The following PHF5A variants were observed in gnomAD, a reference collection of about 807,000 sequenced individuals.
PHF5A encodes PHD finger-like domain-containing protein 5A.
For synonymous variants in PHF5A, 52 were observed against 46.0 expected, an observed-to-expected ratio of 1.13 and a Z score of -0.52; for missense variants, 24 against 140.6, an observed-to-expected ratio of 0.17 and a Z score of 4.19.
chr22:41,465,749 A>ACG (rs1345121235), intron 3 of PHF5A, among the ~76,000 whole-genome samples: 2 of 152,024 alleles, frequency 1.3e-5, no homozygotes, highest in African/African-American at 4.8e-5. Context: ...GCATAGTGGC[A>ACG]TGCACCTGTA....
intron 3 of PHF5A, among the ~76,000 whole-genome samples, chr22:41,465,434 A>AT (rs1341685475): frequency 6.6e-6 from 1 of 151,656 alleles, no homozygotes; most frequent in Non-Finnish European, 1.5e-5. Context: ...AAGTGCTGGG[A>AT]TTGCAGGCAT....
At chr22:41,461,852 G>A (rs187212307) in intron 3 of PHF5A, among the ~76,000 whole-genome samples, 1 of 152,090 alleles carries the variant, frequency 6.6e-6, no homozygotes, top group Admixed American at 6.6e-5. Flanking sequence ...TAGTAAAGAT[G>A]GGGTTTCACC....
intron 3 of PHF5A, among the ~76,000 whole-genome samples, chr22:41,461,028 C>A (rs1204200123): frequency 6.6e-6 from 1 of 151,986 alleles, no homozygotes; most frequent in Non-Finnish European, 1.5e-5. Flanking sequence ...CAAAAATTAG[C>A]CAGACGTGGT....
At chr22:41,468,096 GGTT>G (rs772921041) in intron 2 of PHF5A, 25 bp downstream of exon 2, 1 of 1,613,020 alleles carries the variant, frequency 6.2e-7, no homozygotes, top group Non-Finnish European at 8.5e-7. Context: ...GGGAAGGGTG[GGTT>G]GTTGGGACGG....
In PHF5A at chr22:41,468,154, G is replaced by A; in HGVS notation, c.53-7C>T. On this transcript the variant is annotated splice_region_variant and splice_polypyrimidine_tract_variant and intron_variant, in intron 1 of 3. Coordinates refer to ENST00000216252, the MANE Select transcript of PHF5A (RefSeq NM_032758.4). The stretch of plus-strand genomic sequence containing the variant: ...TCACACAGTCTTCCGATGGCTGCAA[G>A]ATGAAAGATGGTAAAAAGTACAATT... 6.2e-7 allele frequency: 1 copy of A among 1,613,932 alleles called. No homozygotes were observed. Among genetic ancestry groups the A allele is most frequent in the Non-Finnish European group, 8.5e-7 (1 of 1,179,862 alleles).
Position 41,468,064 on chromosome 22 carries a change from G to T in PHF5A, c.76+60C>A. Reference sequence around the variant, plus strand: ...AAGCCCTCTTTGTGGCACTTTTGCTGGTTCCACAGAAAACTGGGAGTGGGA... The same window carrying T: ...AAGCCCTCTTTGTGGCACTTTTGCTTGTTCCACAGAAAACTGGGAGTGGGA... On this transcript the variant is annotated intron_variant, in intron 2 of 3. Coordinates refer to ENST00000216252, the MANE Select transcript of PHF5A (RefSeq NM_032758.4). 3.2e-6 allele frequency: 5 copies of T among 1,583,880 alleles called. No homozygotes were observed. The South Asian group carries it at 4.4e-5, about 14-fold the overall frequency.
intron 1 of PHF5A, 47 bp downstream of exon 1, chr22:41,468,555 C>G (rs1489260729): frequency 6.2e-7 from 1 of 1,608,544 alleles, no homozygotes. Flanking sequence ...CCCCCAGCTC[C>G]TAATACCACC....
intron 3 of PHF5A, among the ~76,000 whole-genome samples, chr22:41,461,373 T>C (rs1023249179): frequency 6.6e-6 from 1 of 150,758 alleles, no homozygotes; most frequent in African/African-American, 2.4e-5. Flanking sequence ...TATGACACAG[T>C]TGAGGTAGAC....
At chr22:41,462,368 G>A (rs146838820) in intron 3 of PHF5A, among the ~76,000 whole-genome samples, 1,680 of 152,106 alleles carry the variant, frequency 0.011, 43 homozygotes, top group Admixed American at 0.054. Flanking sequence ...CCTTCTTTGG[G>A]GGCAGACATC....
chr22:41,461,216 G>A (rs1407166033), intron 3 of PHF5A, among the ~76,000 whole-genome samples: 1 of 151,992 alleles, frequency 6.6e-6, no homozygotes, highest in Non-Finnish European at 1.5e-5. Flanking sequence ...TGGATTAATG[G>A]TTTAGCCATT....
At chr22:41,467,976 T>C in intron 2 of PHF5A, 148 bp downstream of exon 2, 2 of 776,782 alleles carry the variant, frequency 2.6e-6, no homozygotes, top group Non-Finnish European at 4.2e-6. Flanking sequence ...AGTGGGGAGT[T>C]AGAGGGGCCT....
intron 3 of PHF5A, among the ~76,000 whole-genome samples, chr22:41,460,696 A>G (rs1255275245): frequency 6.7e-6 from 1 of 149,374 alleles, no homozygotes; most frequent in East Asian, 2.0e-4. Context: ...ACCCCACTGT[A>G]GGCAACATAG....
chr22:41,463,361 C>G (rs1307907871), intron 3 of PHF5A, among the ~76,000 whole-genome samples: 1 of 151,086 alleles, frequency 6.6e-6, no homozygotes, highest in Non-Finnish European at 1.5e-5. Context: ...AAAGCCGAGG[C>G]AGGCAGATCA....
chr22:41,460,506 A>T lies in PHF5A; in HGVS notation c.244-19T>A. 1 of 1,576,722 alleles carries T rather than the reference A, an allele frequency of 6.3e-7. No individual in the cohort carries two copies. The highest frequency in any genetic ancestry group is 8.7e-7 in the Non-Finnish European group (1 of 1,152,604). The stretch of plus-strand genomic sequence containing the variant: ...CATCTCTCTGGAAAACAGAACAGAG[A>T]AGTTGTTAAGTCTTTGAGCCTGAAC... On this transcript the variant is annotated intron_variant, in intron 3 of 3. Transcript: ENST00000216252.
chr22:41,460,858 C>G (rs1439943338), intron 3 of PHF5A, among the ~76,000 whole-genome samples: 2 of 152,180 alleles, frequency 1.3e-5, no homozygotes. Flanking sequence ...TGTTTCTTCC[C>G]TATCTCTTAG....
At chr22:41,465,978 A>G (rs2037863538) in intron 3 of PHF5A, among the ~76,000 whole-genome samples, 1 of 152,246 alleles carries the variant, frequency 6.6e-6, no homozygotes. Context: ...CAGAGGAACT[A>G]CAAAATGGGC....
rs752637875 is a variant in PHF5A at position 41,468,683 on chromosome 22, T to C, written c.-30A>G. 1.9e-6 allele frequency: 3 copies of C among 1,610,602 alleles called. No individual in the cohort carries two copies. The highest frequency in any genetic ancestry group is 2.2e-5 in the East Asian group (1 of 44,866). Reference sequence around the variant, plus strand: ...CCTAACTAAGCCGGCCACCGGAAGCTTCGGGAACTTCCGTCCGACCTTTAA... The same window carrying C: ...CCTAACTAAGCCGGCCACCGGAAGCCTCGGGAACTTCCGTCCGACCTTTAA... On this transcript the variant is annotated 5_prime_UTR_variant, in exon 1 of 4. Transcript: ENST00000216252.
intron 3 of PHF5A, among the ~76,000 whole-genome samples, chr22:41,461,044 G>A (rs747055061): frequency 2.0e-5 from 3 of 152,006 alleles, no homozygotes; most frequent in Non-Finnish European, 4.4e-5. Context: ...GTGGTGGTGC[G>A]TGCCTGTAGT....
At chr22:41,463,631 G>A (rs1348629062) in intron 3 of PHF5A, among the ~76,000 whole-genome samples, 8 of 147,070 alleles carry the variant, frequency 5.4e-5, no homozygotes, top group Middle Eastern at 3.3e-3. Flanking sequence ...GGGCTGAGAC[G>A]GAAGAATTGC....
Sources: allele counts gnomAD v4.1 joint callset (sites outside exome capture counted in the v4.1 genomes callset), GRCh38; gene constraint gnomAD v4.1.1; transcripts MANE v1.5; gene names NCBI Gene and HGNC (gene_info 2026-07-23, HGNC 2026-07-21).